LRRIQ1: variants seen among roughly 807,000 people sequenced by gnomAD.
LRRIQ1 encodes the protein leucine rich repeats and IQ motif containing 1.
A neutral mutation model predicts 211.9 loss-of-function variants in LRRIQ1; 210 were observed. The observed-to-expected ratio is 0.99, with a 90% CI of 0.89 to 1.11. The LOEUF (loss-of-function observed/expected upper bound fraction) is 1.11. Among genes scored for constraint, LRRIQ1 ranks in the 50% most tolerant of loss-of-function variants. The pLI, the probability that LRRIQ1 is intolerant of heterozygous loss-of-function variation, is 0.00. For synonymous variants in LRRIQ1, 699 were observed against 650.1 expected (o/e 1.08, Z -1.14); for missense variants, 2,136 against 1,939.5 (o/e 1.10, Z -1.90).
intron 1 of LRRIQ1, among the ~76,000 whole-genome samples, chr12:85,255,279 T>C (rs1003196678): frequency 6.6e-6 from 1 of 151,854 alleles, no homozygotes; most frequent in African/African-American, 2.4e-5. Flanking sequence ...ACTGGCAAAT[T>C]TGTAAGTGAT....
At chr12:85,093,048 G>C (rs923114894) in intron 11 of LRRIQ1, among the ~76,000 whole-genome samples, 1 of 152,138 alleles carries the variant, frequency 6.6e-6, no homozygotes, top group African/African-American at 2.4e-5. Flanking sequence ...ACACAATCCA[G>C]GTTGATGAGT....
At chr12:85,084,520 C>T (rs953161150) in intron 11 of LRRIQ1, among the ~76,000 whole-genome samples, 2 of 151,832 alleles carry the variant, frequency 1.3e-5, no homozygotes, top group Admixed American at 6.6e-5. Context: ...ATATGTTTTC[C>T]GCATAGATTT....
At position 85,152,376 on chromosome 12, in the gene LRRIQ1, T is replaced by C. The variant is rs781505439; in HGVS notation, c.4419+7T>C. ...CCAGCTGCATTGGCCAAAGGTAACA[T>C]GTCATGGAAACTTCTGAGTCCTCGA... is the stretch of plus-strand genomic sequence containing the variant. On this transcript the variant is annotated splice_region_variant and intron_variant, in intron 20 of 26. Transcript: ENST00000393217. 9 of 1,606,962 alleles carry C rather than the reference T, an allele frequency of 5.6e-6. No homozygotes were observed. In the Admixed American group the frequency reaches 1.5e-4, roughly 27 times the overall value.
chr12:85,108,593 G>C (rs1312601479), intron 15 of LRRIQ1, among the ~76,000 whole-genome samples: 1 of 152,098 alleles, frequency 6.6e-6, no homozygotes, highest in Non-Finnish European at 1.5e-5. Context: ...TTACCTCCCA[G>C]AATACTGAGA....
intron 18 of LRRIQ1, among the ~76,000 whole-genome samples, chr12:85,128,952 C>G (rs1888567522): frequency 6.6e-6 from 1 of 152,130 alleles, no homozygotes; most frequent in African/African-American, 2.4e-5. Flanking sequence ...GGCCTTAGAT[C>G]TCGTCTGGGG....
intron 11 of LRRIQ1, among the ~76,000 whole-genome samples, chr12:85,079,162 G>A (rs983949815): frequency 6.6e-6 from 1 of 150,402 alleles, no homozygotes; most frequent in African/African-American, 2.4e-5. Context: ...TGACTTTACA[G>A]AATCTTTAAA....
intron 19 of LRRIQ1, among the ~76,000 whole-genome samples, chr12:85,138,178 T>C (rs1418917180): frequency 1.3e-5 from 2 of 151,506 alleles, no homozygotes; most frequent in Non-Finnish European, 3.0e-5. Context: ...TACAAGAGCG[T>C]CTTTGTGCCC....
At chr12:85,140,744 A>G (rs1188289852) in intron 19 of LRRIQ1, among the ~76,000 whole-genome samples, 2 of 151,204 alleles carry the variant, frequency 1.3e-5, no homozygotes, top group African/African-American at 2.4e-5. Context: ...GAAACTCTGT[A>G]TGGTTTAAGG....
rs199959596 is a variant in LRRIQ1, at chr12:85,167,903, CA to C, written c.4822+7191del. 7.6e-3 allele frequency among the ~76,000 whole-genome samples: 1,098 copies of C among 144,248 alleles called. 18 individuals are homozygous for C. The highest frequency in any genetic ancestry group is 0.028 in the African/African-American group (1,030 of 37,058). 94.6% of individuals were successfully genotyped at this position (144,248 alleles called of 152,430 possible). On this transcript the variant is annotated intron_variant, in intron 24 of 26. Coordinates refer to ENST00000393217, the MANE Select transcript of LRRIQ1 (RefSeq NM_001079910.2). ...TAACCTAACGCAGCTAGCATTCATA[CA>C]ATCGGAAGTGCACTAATCCTTAACC...
At chr12:85,178,281 T>A (rs541314981) in intron 24 of LRRIQ1, among the ~76,000 whole-genome samples, 1 of 152,178 alleles carries the variant, frequency 6.6e-6, no homozygotes, top group East Asian at 1.9e-4. Context: ...TACCTTAGTT[T>A]GTTAAAATAA....
intron 24 of LRRIQ1, among the ~76,000 whole-genome samples, chr12:85,210,726 C>T (rs1893799023): frequency 6.6e-6 from 1 of 152,118 alleles, no homozygotes; most frequent in South Asian, 2.1e-4. Context: ...TCTGAACATT[C>T]TGGAAGTGAG....
At chr12:85,178,713 T>C (rs1368753534) in intron 24 of LRRIQ1, among the ~76,000 whole-genome samples, 1 of 152,000 alleles carries the variant, frequency 6.6e-6, no homozygotes, top group Admixed American at 6.6e-5. Context: ...CCTTTTTAAT[T>C]ATCTTCTCCA....
At chr12:85,195,988 C>CA (rs1297274456) in intron 24 of LRRIQ1, among the ~76,000 whole-genome samples, 28 of 151,986 alleles carry the variant, frequency 1.8e-4, no homozygotes, top group Non-Finnish European at 3.8e-4. Flanking sequence ...TCTCAGGATA[C>CA]AAAATCAATG....
At chr12:85,243,786 G>A (rs1895585539) in intron 26 of LRRIQ1, among the ~76,000 whole-genome samples, 1 of 151,500 alleles carries the variant, frequency 6.6e-6, no homozygotes, top group African/African-American at 2.4e-5. Context: ...GGTGGGAGGG[G>A]GATGTAAAGG....
intron 25 of LRRIQ1, among the ~76,000 whole-genome samples, chr12:85,230,117 C>A (rs575673887): frequency 6.6e-6 from 1 of 152,172 alleles, no homozygotes; most frequent in Non-Finnish European, 1.5e-5. Flanking sequence ...AATTCTAACT[C>A]ATGGCGTACA....
downstream of LRRIQ1, among the ~76,000 whole-genome samples, chr12:85,269,113 C>T (rs1338744450): frequency 6.6e-6 from 1 of 151,910 alleles, no homozygotes; most frequent in Non-Finnish European, 1.5e-5. Context: ...GAGAGTAGAA[C>T]AAACCAAGGA....
chr12:85,149,738 T>G (rs199864407), intron 19 of LRRIQ1, among the ~76,000 whole-genome samples: 1 of 151,354 alleles, frequency 6.6e-6, no homozygotes, highest in African/African-American at 2.4e-5. Context: ...AACATATTTT[T>G]GTTGCGATTA....
At chr12:85,252,171 C>T (rs1243939820) in intron 1 of LRRIQ1, among the ~76,000 whole-genome samples, 1 of 151,706 alleles carries the variant, frequency 6.6e-6, no homozygotes, top group Admixed American at 6.6e-5. Flanking sequence ...CATATTAAAG[C>T]CCACAACCTC....
intron 15 of LRRIQ1, among the ~76,000 whole-genome samples, chr12:85,114,853 T>C (rs1887462068): frequency 2.6e-5 from 4 of 152,122 alleles, no homozygotes; most frequent in Admixed American, 2.6e-4. Flanking sequence ...CTATAAAATA[T>C]GGATTTATTA....
Sources: gnomAD v4.1 joint callset for allele counts (sites outside exome capture counted in the v4.1 genomes callset) on GRCh38, gnomAD v4.1.1 for gene constraint, MANE v1.5 for transcripts, NCBI Gene and HGNC (gene_info 2026-07-23, HGNC 2026-07-21) for gene names.